The following LIFR variants were observed in gnomAD, a reference collection of about 807,000 sequenced individuals.
LIFR encodes LIF receptor subunit alpha.
Under a neutral mutation model 122.2 loss-of-function variants are expected in LIFR, and 84 were observed. The ratio of observed to expected loss-of-function variants is 0.69; its 90% CI spans 0.58 to 0.82. LIFR has a LOEUF of 0.82. Ranked by LOEUF, LIFR falls within the 40% of genes least tolerant of loss-of-function variation. The pLI, the probability that LIFR is intolerant of heterozygous loss-of-function variation, is 0.00. For synonymous variants in LIFR, 422 were observed against 434.7 expected (o/e 0.97, Z 0.36); for missense variants, 1,294 against 1,311.6 (o/e 0.99, Z 0.21).
At chr5:38,498,962 T>C (rs553655161) in intron 12 of LIFR, among the ~76,000 whole-genome samples, 52 of 152,240 alleles carry the variant, frequency 3.4e-4, no homozygotes, top group Admixed American at 1.4e-3. Flanking sequence ...AAATCTAATA[T>C]AGAAAACAAT....
intron 4 of LIFR, among the ~76,000 whole-genome samples, chr5:38,524,272 G>T (rs1024429843): frequency 6.6e-6 from 1 of 152,148 alleles, no homozygotes; most frequent in African/African-American, 2.4e-5. Context: ...ACAGTAGCAG[G>T]ATTGTCTCAG....
chr5:38,598,263 T>TTG (rs1750157886), upstream of LIFR, among the ~76,000 whole-genome samples: 1 of 115,400 alleles, frequency 8.7e-6, no homozygotes, highest in Non-Finnish European at 1.7e-5. Context: ...TTTTTTTCTT[T>TTG]TTAGAGGGAG....
chr5:38,504,954 C>CT (rs1745385909), intron 9 of LIFR, among the ~76,000 whole-genome samples: 1 of 152,158 alleles, frequency 6.6e-6, no homozygotes, highest in Admixed American at 6.5e-5. Flanking sequence ...GCCTGAGTCT[C>CT]TAAGAGAAGG....
At chr5:38,556,255 C>CG (rs1748534111) in intron 1 of LIFR, 79 bp downstream of exon 1, 1 of 152,054 alleles carries the variant, frequency 6.6e-6, no homozygotes, top group Non-Finnish European at 1.5e-5. Flanking sequence ...CCACCCCGCC[C>CG]GGGCCGCCCC....
upstream of LIFR, among the ~76,000 whole-genome samples, chr5:38,559,597 G>T (rs1226736554): frequency 6.6e-6 from 1 of 152,100 alleles, no homozygotes; most frequent in Non-Finnish European, 1.5e-5. Context: ...GAACAAGAAC[G>T]TACTTTGTTT....
At chr5:38,499,935 C>T (rs561063910) in intron 11 of LIFR, among the ~76,000 whole-genome samples, 1 of 152,218 alleles carries the variant, frequency 6.6e-6, no homozygotes, top group East Asian at 1.9e-4. Flanking sequence ...TCTTCTGTGC[C>T]CTCTCTTCCT....
intron 1 of LIFR, among the ~76,000 whole-genome samples, chr5:38,579,839 A>T (rs1391741734): frequency 6.6e-6 from 1 of 152,192 alleles, no homozygotes; most frequent in Non-Finnish European, 1.5e-5. Flanking sequence ...GTCATCCAAA[A>T]ACCTGGGGAA....
At chr5:38,578,347 C>T (rs1303954754) in intron 1 of LIFR, among the ~76,000 whole-genome samples, 1 of 151,256 alleles carries the variant, frequency 6.6e-6, no homozygotes, top group Non-Finnish European at 1.5e-5. Context: ...GCTGGTATTA[C>T]AGGCATGGAC....
In LIFR at chr5:38,493,719, G is replaced by T; in HGVS notation, c.1952C>A (p.Pro651His). The change falls in exon 14 of 20, where the codon CCC (proline) becomes CAC (histidine). Residue 651 changes from proline (P) to histidine (H), a missense_variant. Transcript: ENST00000453190. Reference sequence around the variant, plus strand: ...AATGACGTAGTCGCAAGTCATGTTGGGGTCGTAATGCCAGGTGAGGAGAAT... The same window carrying T: ...AATGACGTAGTCGCAAGTCATGTTGTGGTCGTAATGCCAGGTGAGGAGAAT... Reference protein sequence around the residue: ...KGILLTWHYDPNMTCDYVIKW... With the variant: ...KGILLTWHYDHNMTCDYVIKW... 1 of 1,614,058 alleles carries T rather than the reference G, an allele frequency of 6.2e-7. No homozygotes were observed. Among genetic ancestry groups the T allele is most frequent in the Non-Finnish European group, 8.5e-7 (1 of 1,179,978 alleles).
intron 1 of LIFR, chr5:38,550,171 C>G: frequency 1.6e-6 from 1 of 616,724 alleles, no homozygotes; most frequent in Non-Finnish European, 2.0e-6. Context: ...AATTGAAACA[C>G]CCACCAACAG....
intron 14 of LIFR, among the ~76,000 whole-genome samples, chr5:38,492,659 A>G (rs1744657561): frequency 6.6e-6 from 1 of 152,210 alleles, no homozygotes; most frequent in Non-Finnish European, 1.5e-5. Flanking sequence ...AATCCAATGA[A>G]TGGGACCCAT....
In LIFR at chr5:38,567,014, C is replaced by T. The variant is rs553506140; in HGVS notation, c.-20+28247G>A. The stretch of plus-strand genomic sequence containing the variant: ...ATCATCAGCTCCTGGGAACCTGCAG[C>T]GCACAGTGTCAGAGATGACCCAGTC... On this transcript the variant is annotated intron_variant, in intron 1 of 19. Transcript: ENST00000263409. Among the ~76,000 whole-genome samples, 4 of 152,320 alleles carry T rather than the reference C, an allele frequency of 2.6e-5. No homozygotes were observed. The East Asian group carries it at 5.8e-4, about 22-fold the overall frequency.
upstream of LIFR, among the ~76,000 whole-genome samples, chr5:38,597,089 A>G (rs1389128891): frequency 6.6e-6 from 1 of 152,214 alleles, no homozygotes; most frequent in Non-Finnish European, 1.5e-5. Context: ...TATTGAAGGA[A>G]GGGATGGAAG....
Position 38,478,064 on chromosome 5 carries a change from T to C in LIFR, c.*3531A>G. 1 of 209,022 alleles carries C rather than the reference T, an allele frequency of 4.8e-6. No homozygotes were observed. The highest frequency in any genetic ancestry group is 9.7e-6 in the Non-Finnish European group (1 of 102,822). The allele number at this position is 209,022 out of a possible 1,614,324, so 12.9% of individuals were successfully genotyped here. A position where few individuals can be genotyped will look rare whatever the true frequency, so the allele number is the denominator to read the frequency against. On this transcript the variant is annotated 3_prime_UTR_variant, in exon 20 of 20. Transcript: ENST00000453190. ...TACTTTCAAAATACCATAAAATTGA[T>C]TTTAAATTCCCTTTGGAAGAAAACA...
At chr5:38,605,253 A>G (rs1486142977) in intron 2 of LIFR, among the ~76,000 whole-genome samples, 1 of 152,096 alleles carries the variant, frequency 6.6e-6, no homozygotes, top group Non-Finnish European at 1.5e-5. Flanking sequence ...TTGCAGTTTT[A>G]CGGACACTGG....
intron 5 of LIFR, among the ~76,000 whole-genome samples, chr5:38,514,812 CACA>C (rs577398669): frequency 2.2e-4 from 33 of 152,280 alleles, no homozygotes; most frequent in African/African-American, 7.9e-4. Flanking sequence ...CTACTATTTA[CACA>C]ACACTTACAT....
chr5:38,577,406 C>A (rs935409154), intron 1 of LIFR, among the ~76,000 whole-genome samples: 4 of 152,190 alleles, frequency 2.6e-5, no homozygotes, highest in Non-Finnish European at 5.9e-5. Context: ...ATTTACCACA[C>A]CTGGGCAAAT....
At chr5:38,489,757 C>T (rs2112395920) in intron 15 of LIFR, among the ~76,000 whole-genome samples, 1 of 151,120 alleles carries the variant, frequency 6.6e-6, no homozygotes, top group Non-Finnish European at 1.5e-5. Context: ...CTTTAGGAGG[C>T]TGAGGTGGGA....
intron 1 of LIFR, among the ~76,000 whole-genome samples, chr5:38,544,924 T>C (rs1371771681): frequency 6.6e-6 from 1 of 152,210 alleles, no homozygotes; most frequent in African/African-American, 2.4e-5. Flanking sequence ...ATGAATAAAC[T>C]GAATCTAGTG....
Sources: allele counts gnomAD v4.1 joint callset (sites outside exome capture counted in the v4.1 genomes callset), GRCh38; gene constraint gnomAD v4.1.1; transcripts MANE v1.5; gene names NCBI Gene and HGNC (gene_info 2026-07-23, HGNC 2026-07-21).